The following SYT2 variants were observed in gnomAD, a reference collection of about 807,000 sequenced individuals.
SYT2 encodes the protein synaptotagmin 2, also known as synaptotagmin-2.
SYT2 carries 15 observed loss-of-function variants against 39.9 expected under a neutral mutation model. The observed-to-expected ratio is 0.38, with a 90% confidence interval of 0.25 to 0.58. SYT2 has a LOEUF of 0.58. Among genes scored for constraint, SYT2 ranks in the 20% least tolerant of loss-of-function variants. SYT2 has a pLI of 0.70. For missense variants in SYT2, 389 were observed against 530.3 expected (o/e 0.73, Z 2.62); for synonymous variants, 181 against 204.5 (o/e 0.89, Z 0.98).
At chr1:202,654,102 A>AGCCACAGCT (rs1331179644) in intron 1 of SYT2, among the ~76,000 whole-genome samples, 13 of 152,194 alleles carry the variant, frequency 8.5e-5, no homozygotes, top group Non-Finnish European at 1.6e-4. Flanking sequence ...TTGAGTGTTC[A>AGCCACAGCT]GGTCTCTGCC....
At chr1:202,627,069 A>G (rs1691438635) in intron 1 of SYT2, among the ~76,000 whole-genome samples, 1 of 152,234 alleles carries the variant, frequency 6.6e-6, no homozygotes, top group Admixed American at 6.5e-5. Flanking sequence ...TCGCCAAGTC[A>G]GGGACTCTGA....
chr1:202,705,867 A>T (rs1363805092), intron 1 of SYT2, among the ~76,000 whole-genome samples: 1 of 151,806 alleles, frequency 6.6e-6, no homozygotes, highest in Admixed American at 6.6e-5. Flanking sequence ...TAATTTTTAA[A>T]TTTTTTGTAG....
chr1:202,671,843 C>A (rs1340035981), intron 1 of SYT2, among the ~76,000 whole-genome samples: 2 of 152,144 alleles, frequency 1.3e-5, no homozygotes, highest in Non-Finnish European at 2.9e-5. Context: ...CCCAGGCACA[C>A]TGCAGAAGCT....
chr1:202,660,073 A>G (rs1312764766), intron 1 of SYT2, among the ~76,000 whole-genome samples: 1 of 152,140 alleles, frequency 6.6e-6, no homozygotes, highest in East Asian at 1.9e-4. Context: ...GGCTGGAGCA[A>G]TGCCCATTGC....
chr1:202,659,254 G>A (rs577740706), intron 1 of SYT2, among the ~76,000 whole-genome samples: 2 of 152,216 alleles, frequency 1.3e-5, no homozygotes, highest in South Asian at 2.1e-4. Context: ...TCTGATCTTG[G>A]GTTTCATTTT....
At chr1:202,627,736 C>T in intron 1 of SYT2, 2 of 547,382 alleles carry the variant, frequency 3.7e-6, no homozygotes, top group Non-Finnish European at 4.7e-6. Context: ...TAAAAATCCA[C>T]TCTTTCATCT....
At chr1:202,638,593 C>T (rs1691812710) in intron 1 of SYT2, among the ~76,000 whole-genome samples, 1 of 152,206 alleles carries the variant, frequency 6.6e-6, no homozygotes, top group African/African-American at 2.4e-5. Context: ...TCAGGGCTTC[C>T]AGGAGGATGG....
rs950610064 is a variant in SYT2, at chr1:202,605,543, C to G, written c.178+52G>C. ...CAGTGGTATCCCCACCCTTCTTCAC[C>G]TCTCCCAGACTCTAGCCTTGCCCCA... is the stretch of plus-strand genomic sequence containing the variant. On this transcript the variant is annotated intron_variant, in intron 2 of 8. Transcript: ENST00000367268. 6 of 1,550,608 alleles carry G rather than the reference C, an allele frequency of 3.9e-6. No homozygotes were observed. The African/African-American group carries it at 8.1e-5, about 21-fold the overall frequency.
intron 1 of SYT2, among the ~76,000 whole-genome samples, chr1:202,707,225 GACT>G (rs1253970013): frequency 6.6e-6 from 1 of 152,196 alleles, no homozygotes; most frequent in Non-Finnish European, 1.5e-5. Context: ...CACCCAGAGA[GACT>G]ACAATAGTGG....
intron 1 of SYT2, among the ~76,000 whole-genome samples, chr1:202,658,651 G>A (rs948282714): frequency 1.3e-5 from 2 of 148,960 alleles, no homozygotes; most frequent in Non-Finnish European, 3.0e-5. Flanking sequence ...GCACTGCAAT[G>A]CAGTGGTCGG....
chr1:202,691,725 GAGGGGGGGAGAGAGAGA>G lies in SYT2; in HGVS notation c.-18+18516_-18+18532del, dbSNP rs1558463374. Among the ~76,000 whole-genome samples, 34 of 16,360 alleles carry G rather than the reference GAGGGGGGGAGAGAGAGA, an allele frequency of 2.1e-3. 1 individual carries two copies. The highest frequency in any genetic ancestry group is 5.8e-3 in the African/African-American group (31 of 5,386). The allele number at this position is 16,360 out of a possible 152,430, so 10.7% of individuals were successfully genotyped here. Reference sequence around the variant, plus strand: ...AGAGGGAGAGGGAGAGGGAGAGGGAGAGGGGGGGAGAGAGAGAGAGAGAGAGAGAGAGAGAGAGAGAG... The same window carrying G: ...AGAGGGAGAGGGAGAGGGAGAGGGAGGAGAGAGAGAGAGAGAGAGAGAGAG... On this transcript the variant is annotated intron_variant, in intron 1 of 8. Transcript: ENST00000367268.
intron 1 of SYT2, among the ~76,000 whole-genome samples, chr1:202,642,203 G>A (rs935732990): frequency 2.6e-5 from 4 of 152,060 alleles, no homozygotes; most frequent in African/African-American, 9.7e-5. Context: ...GGAAGCTTTC[G>A]GACTCTCCCT....
intron 1 of SYT2, among the ~76,000 whole-genome samples, chr1:202,693,237 C>A (rs1653884786): frequency 6.6e-6 from 1 of 152,032 alleles, no homozygotes; most frequent in Non-Finnish European, 1.5e-5. Context: ...AAGGGTGCTA[C>A]GGAGGATTCA....
rs9633343 is a variant in SYT2 at position 202,597,002 on chromosome 1, C to T, written c.1054-39G>A. ...GAGGGAGGGAGTTGGCAGACAGAGA[C>T]GTGGGATCCCATGACCAAATTTATC... is the stretch of plus-strand genomic sequence containing the variant. On this transcript the variant is annotated intron_variant, in intron 8 of 8. Coordinates refer to ENST00000367268, the MANE Select transcript of SYT2 (RefSeq NM_177402.5). The T allele has an allele frequency of 5.7e-4, 905 of 1,584,464 alleles. 8 individuals are homozygous for T. In the East Asian group the frequency reaches 0.019, roughly 33 times the overall value.
intron 1 of SYT2, among the ~76,000 whole-genome samples, chr1:202,634,117 G>A (rs1449837974): frequency 1.3e-5 from 2 of 152,176 alleles, no homozygotes; most frequent in African/African-American, 4.8e-5. Flanking sequence ...TTTATAATAA[G>A]GGGATTCATA....
chr1:202,665,914 G>A (rs1349633472), intron 1 of SYT2, among the ~76,000 whole-genome samples: 3 of 152,202 alleles, frequency 2.0e-5, no homozygotes, highest in Non-Finnish European at 4.4e-5. Flanking sequence ...AGCACTTTGG[G>A]AGGCCGAGGC....
intron 1 of SYT2, among the ~76,000 whole-genome samples, chr1:202,709,997 CCCCCAGCCCAG>C (rs1415114465): frequency 6.6e-6 from 1 of 151,934 alleles, no homozygotes; most frequent in East Asian, 1.9e-4. Context: ...AGGAAATCTG[CCCCCAGCCCAG>C]CCCCAGTCCC....
intron 1 of SYT2, among the ~76,000 whole-genome samples, chr1:202,695,174 C>A (rs1335787509): frequency 6.6e-6 from 1 of 152,114 alleles, no homozygotes; most frequent in Non-Finnish European, 1.5e-5. Context: ...GTCATTGGAC[C>A]TTTTGTAATC....
At position 202,622,620 on chromosome 1, in the gene SYT2, C is replaced by T. The variant is rs554371814; in HGVS notation, c.-17-16831G>A. ...GGCTGAGGATTGAGCCCTTCCTGCA[C>T]CAATCTTGGGCTGGCCTGTTAGCCT... On this transcript the variant is annotated intron_variant, in intron 1 of 8. Coordinates refer to ENST00000367268, the MANE Select transcript of SYT2 (RefSeq NM_177402.5). Among the ~76,000 whole-genome samples, 5 of 152,306 alleles carry T rather than the reference C, an allele frequency of 3.3e-5. No individual in the cohort carries two copies. In the South Asian group the frequency reaches 1.0e-3, roughly 32 times the overall value.
Sources: allele counts gnomAD v4.1 joint callset (sites outside exome capture counted in the v4.1 genomes callset), GRCh38; gene constraint gnomAD v4.1.1; transcripts MANE v1.5; gene names NCBI Gene and HGNC (gene_info 2026-07-23, HGNC 2026-07-21).